The following MPP4 variants were observed in gnomAD, a reference collection of about 807,000 sequenced individuals.
MPP4 encodes the protein MAGUK p55 scaffold protein 4.
A neutral mutation model predicts 98.3 loss-of-function variants in MPP4; 91 were observed. The observed-to-expected ratio is 0.93, with a 90% CI of 0.78 to 1.10. MPP4 has a LOEUF of 1.10. Ranked by LOEUF, MPP4 falls within the 50% of genes least tolerant of loss-of-function variation. The pLI, the probability that MPP4 is intolerant of heterozygous loss-of-function variation, is 0.00. For missense variants in MPP4, 744 were observed against 792.9 expected, an observed-to-expected ratio of 0.94 and a Z score of 0.74; for synonymous variants, 261 against 271.8, an observed-to-expected ratio of 0.96 and a Z score of 0.39.
chr2:201,668,080 C>A (rs990046721), intron 12 of MPP4, among the ~76,000 whole-genome samples: 6 of 151,970 alleles, frequency 3.9e-5, no homozygotes, highest in Admixed American at 1.3e-4. Context: ...TTCTTTAGGG[C>A]AAACAAAGAC....
chr2:201,675,069 C>T, intron 11 of MPP4, 138 bp downstream of exon 11: 1 of 1,018,212 alleles, frequency 9.8e-7, no homozygotes, highest in South Asian at 1.4e-5. Context: ...TAGGGCCCTT[C>T]AAGGAGATTG....
At chr2:201,672,777 A>AG (rs921503425) in intron 11 of MPP4, among the ~76,000 whole-genome samples, 1 of 151,164 alleles carries the variant, frequency 6.6e-6, no homozygotes, top group Non-Finnish European at 1.5e-5. Flanking sequence ...CCAACCAAAA[A>AG]AAAGCCCAGG....
chr2:201,692,900 G>T lies in MPP4; in HGVS notation c.201+8C>A. On this transcript the variant is annotated splice_region_variant and intron_variant, in intron 3 of 21. Transcript: ENST00000409474. ...CAAGCAAAGGCTTCCGAGCAAAGAA[G>T]CACTCACCTTTAGCAGAGCCTGAAG... 6.2e-7 allele frequency: 1 copy of T among 1,605,110 alleles called. No individual in the cohort carries two copies.
rs1261096840 is a variant in MPP4 at position 201,690,201 on chromosome 2, C to T, written c.279+1G>A. On this transcript the variant is annotated splice_donor_variant, in intron 4 of 21. Transcript: ENST00000409474. LOFTEE classifies it high-confidence loss of function. Reference sequence around the variant, plus strand: ...TATCCTGTGGAATAAAATCTCCTTACCTCATAGGATAACACCTGTGCATGT... The same window carrying T: ...TATCCTGTGGAATAAAATCTCCTTATCTCATAGGATAACACCTGTGCATGT... 6.2e-7 allele frequency: 1 copy of T among 1,602,198 alleles called. No individual in the cohort carries two copies. The highest frequency in any genetic ancestry group is 1.7e-5 in the Admixed American group (1 of 59,134).
chr2:201,656,935 G>A (rs187641334), intron 16 of MPP4, among the ~76,000 whole-genome samples: 7 of 152,312 alleles, frequency 4.6e-5, no homozygotes, highest in South Asian at 4.1e-4. Flanking sequence ...GCTGCAGGGC[G>A]GTAAGCAACA....
chr2:201,647,772 C>A lies in MPP4; in HGVS notation c.1638G>T (p.Lys546Asn), dbSNP rs1212419628. 7.4e-6 allele frequency: 12 copies of A among 1,613,884 alleles called. No individual in the cohort carries two copies. The highest frequency in any genetic ancestry group is 9.3e-6 in the Non-Finnish European group (11 of 1,179,784). The change falls in exon 21 of 22, where the codon AAG becomes AAT. Residue 546 changes from lysine (K) to asparagine (N), a missense_variant. Coordinates refer to ENST00000409474, the MANE Select transcript of MPP4 (RefSeq NM_033066.3). ...HELKPYVIFI[K>N]PSNMRCMKQS... is the part of the protein sequence containing the mutation. ...GTTTCATACACCTCATATTCGATGG[C>A]TTTATAAATATGACATAGGGCTTCA...
In MPP4 at chr2:201,664,377, T is replaced by C. The variant is rs775767031; in HGVS notation, c.1052-276A>G. On this transcript the variant is annotated intron_variant, in intron 13 of 21. Transcript: ENST00000409474. The stretch of plus-strand genomic sequence containing the variant: ...ATAATAGAAGGTGAATAAAATAAAA[T>C]GTAAAAAGCAGCTCAGAGGGAAGGG... 5.2e-6 allele frequency: 7 copies of C among 1,347,780 alleles called. No individual in the cohort carries two copies. In the Middle Eastern group the frequency reaches 6.0e-4, roughly 115 times the overall value. 83.5% of individuals were successfully genotyped at this position (1,347,780 alleles called of 1,614,324 possible). A position where few individuals can be genotyped will look rare whatever the true frequency, so the allele number is the denominator to read the frequency against.
chr2:201,688,513 G>C (rs1341651627), intron 4 of MPP4, among the ~76,000 whole-genome samples: 3 of 152,154 alleles, frequency 2.0e-5, no homozygotes, highest in Non-Finnish European at 4.4e-5. Flanking sequence ...AAGGAGATGA[G>C]GGACAGATCA....
At chr2:201,682,427 C>A (rs1688691269) in intron 8 of MPP4, among the ~76,000 whole-genome samples, 1 of 152,194 alleles carries the variant, frequency 6.6e-6, no homozygotes, top group African/African-American at 2.4e-5. Context: ...AGATGTTGAA[C>A]ATTTCAGCCA....
At chr2:201,689,326 A>G (rs923280822) in intron 4 of MPP4, among the ~76,000 whole-genome samples, 1 of 152,226 alleles carries the variant, frequency 6.6e-6, no homozygotes, top group Admixed American at 6.5e-5. Context: ...CTCTGTATCA[A>G]AAACAAAAAA....
chr2:201,670,186 A>G (rs1688301148), intron 11 of MPP4, among the ~76,000 whole-genome samples: 2 of 152,206 alleles, frequency 1.3e-5, no homozygotes, highest in African/African-American at 2.4e-5. Flanking sequence ...TCAGTAAATA[A>G]CATTTTAATA....
chr2:201,648,428 C>G (rs959313406), intron 20 of MPP4, among the ~76,000 whole-genome samples: 2 of 152,002 alleles, frequency 1.3e-5, no homozygotes, highest in Non-Finnish European at 2.9e-5. Flanking sequence ...TCTCATGTAC[C>G]CTCAACTCCT....
At chr2:201,656,841 C>T (rs1397989750) in intron 16 of MPP4, among the ~76,000 whole-genome samples, 1 of 152,170 alleles carries the variant, frequency 6.6e-6, no homozygotes, top group East Asian at 1.9e-4. Context: ...ACGGGCAAGC[C>T]AGGCCAAGGG....
intron 18 of MPP4, among the ~76,000 whole-genome samples, chr2:201,654,588 T>G (rs1408520883): frequency 6.6e-6 from 1 of 152,154 alleles, no homozygotes; most frequent in Non-Finnish European, 1.5e-5. Context: ...ACCTGCACGT[T>G]GTGCACATGT....
chr2:201,696,987 T>C (rs1689205138), intron 1 of MPP4, among the ~76,000 whole-genome samples: 2 of 152,148 alleles, frequency 1.3e-5, no homozygotes, highest in African/African-American at 2.4e-5. Flanking sequence ...CTAATCCCCA[T>C]TGTTGATGGC....
rs560683346 is a variant in MPP4 at position 201,678,137 on chromosome 2, G to A, written c.929+2701C>T. ...ACGTGGCAATGACTAAAAGCAGCATGAGAACTTCCTATCATTCTTTGTTTG... is the reference window on the plus strand; with the variant it reads ...ACGTGGCAATGACTAAAAGCAGCATAAGAACTTCCTATCATTCTTTGTTTG... On this transcript the variant is annotated intron_variant, in intron 10 of 21. Transcript: ENST00000409474. 1.1e-4 allele frequency among the ~76,000 whole-genome samples: 16 copies of A among 152,194 alleles called. No individual in the cohort carries two copies. In the East Asian group the frequency reaches 2.7e-3, roughly 26 times the overall value.
In MPP4 at chr2:201,651,066, A is replaced by G. The variant is rs550778394; in HGVS notation, c.1382-901T>C. The G allele has an allele frequency of 3.1e-5, 31 of 985,288 alleles. No individual in the cohort carries two copies. In the South Asian group the frequency reaches 1.2e-3, roughly 37 times the overall value. 61.0% of individuals were successfully genotyped at this position (985,288 alleles called of 1,614,324 possible). A position where few individuals can be genotyped will look rare whatever the true frequency, so the allele number is the denominator to read the frequency against. On this transcript the variant is annotated intron_variant, in intron 18 of 21. Coordinates refer to ENST00000409474, the MANE Select transcript of MPP4 (RefSeq NM_033066.3). Reference sequence around the variant, plus strand: ...TAAGACAGTTTCAACTCTGCATCCTATATACTGTAAAGCTAGTCCCTTAAT... The same window carrying G: ...TAAGACAGTTTCAACTCTGCATCCTGTATACTGTAAAGCTAGTCCCTTAAT...
chr2:201,686,679 A>C (rs557894359), intron 5 of MPP4, among the ~76,000 whole-genome samples: 2 of 152,278 alleles, frequency 1.3e-5, no homozygotes, highest in African/African-American at 4.8e-5. Context: ...AACTCAGAAA[A>C]TTCTCTAAGT....
At chr2:201,686,217 T>A (rs1688827209) in intron 5 of MPP4, among the ~76,000 whole-genome samples, 167 bp from the exon 6 acceptor site, 1 of 152,230 alleles carries the variant, frequency 6.6e-6, no homozygotes, top group African/African-American at 2.4e-5. Flanking sequence ...ATCTTCACAA[T>A]AATTCTATGA....
Sources: gnomAD v4.1 joint callset for allele counts (sites outside exome capture counted in the v4.1 genomes callset) on GRCh38, gnomAD v4.1.1 for gene constraint, MANE v1.5 for transcripts, NCBI Gene and HGNC (gene_info 2026-07-23, HGNC 2026-07-21) for gene names.